IQSEC1: variants seen among roughly 807,000 people sequenced by gnomAD.
The protein encoded by IQSEC1 is IQ motif and Sec7 domain ArfGEF 1, also known as IQ motif and SEC7 domain-containing protein 1.
IQSEC1 carries 31 observed loss-of-function variants against 91.0 expected under a neutral mutation model. The observed-to-expected ratio is 0.34, with a 90% CI of 0.26 to 0.46. The LOEUF is 0.46. Among genes scored for constraint, IQSEC1 ranks in the 20% least tolerant of loss-of-function variants. IQSEC1 has a pLI of 1.00. For missense variants in IQSEC1, 1,388 were observed against 1,575.6 expected (o/e 0.88, Z 2.02); for synonymous variants, 699 against 662.6 (o/e 1.05, Z -0.84).
At chr3:12,996,069 G>C (rs1440004853) in intron 1 of IQSEC1, among the ~76,000 whole-genome samples, 1 of 152,126 alleles carries the variant, frequency 6.6e-6, no homozygotes, top group African/African-American at 2.4e-5. Context: ...GCTGAGGCAA[G>C]AGGATTGCTT....
intron 1 of IQSEC1, among the ~76,000 whole-genome samples, chr3:13,223,339 C>A (rs1694695154): frequency 6.6e-6 from 1 of 152,202 alleles, no homozygotes; most frequent in Non-Finnish European, 1.5e-5. Context: ...GGAGATCTTC[C>A]AGATTGCAGG....
chr3:13,252,020 G>C (rs915216166), intron 1 of IQSEC1, among the ~76,000 whole-genome samples: 1 of 152,120 alleles, frequency 6.6e-6, no homozygotes, highest in South Asian at 2.1e-4. Context: ...GTTTTTCCCC[G>C]ATTTTTTATT....
chr3:13,184,901 A>G (rs1196173356), intron 1 of IQSEC1, among the ~76,000 whole-genome samples: 2 of 152,154 alleles, frequency 1.3e-5, no homozygotes, highest in African/African-American at 4.8e-5. Context: ...CAGGATGGGG[A>G]AAAGGAGTGA....
chr3:13,207,674 C>T lies in IQSEC1; in HGVS notation c.273-43541G>A, dbSNP rs1694368203. On this transcript the variant is annotated intron_variant, in intron 1 of 15. Transcript: ENST00000648114. This position sits in a 1 kb window ranked among gnomAD's most constrained non-coding sequence, Gnocchi z 4.8. ...CACCCCAGAGCCTCTGCACCCAGGG[C>T]TCCTTCGCCCCTCAGATTCCTGCAG... 6.6e-6 allele frequency among the ~76,000 whole-genome samples: 1 copy of T among 152,210 alleles called. No individual in the cohort carries two copies. The highest frequency in any genetic ancestry group is 1.5e-5 in the Non-Finnish European group (1 of 68,020).
chr3:13,125,712 GA>G (rs1706501989), intron 2 of IQSEC1, among the ~76,000 whole-genome samples: 1 of 152,244 alleles, frequency 6.6e-6, no homozygotes, highest in East Asian at 1.9e-4. Flanking sequence ...GCTTGTGGGG[GA>G]TAAGGGCCCT....
chr3:13,054,556 C>T (rs1040537206), intron 1 of IQSEC1, among the ~76,000 whole-genome samples: 2 of 152,234 alleles, frequency 1.3e-5, no homozygotes, highest in Non-Finnish European at 2.9e-5. Context: ...CCCTCCACCC[C>T]GTCACGTTGC....
Position 13,147,903 on chromosome 3 carries a change from G to T in IQSEC1, c.302+16201C>A, listed in dbSNP as rs143575667. ...CCGCCTAGGCCTGCCAAAGTGCTGG[G>T]ATTACAGGCGTGAGCCACCACGCCC... is the stretch of plus-strand genomic sequence containing the variant. On this transcript the variant is annotated intron_variant, in intron 2 of 15. Transcript: ENST00000648114. 9.6e-3 allele frequency among the ~76,000 whole-genome samples: 1,456 copies of T among 152,336 alleles called. 22 individuals are homozygous for T. The highest frequency in any genetic ancestry group is 0.034 in the African/African-American group (1,400 of 41,576).
At chr3:12,925,479 G>A (rs762097360) in intron 3 of IQSEC1, among the ~76,000 whole-genome samples, 1 of 152,212 alleles carries the variant, frequency 6.6e-6, no homozygotes, top group African/African-American at 2.4e-5. Flanking sequence ...CACTGAGGAA[G>A]TAGTCAGATG....
chr3:13,200,078 A>G (rs562142089), intron 1 of IQSEC1, among the ~76,000 whole-genome samples: 1 of 145,760 alleles, frequency 6.9e-6, no homozygotes, highest in South Asian at 2.2e-4. Flanking sequence ...TACACACAAC[A>G]TGCATATACA....
At position 12,967,102 on chromosome 3, in the gene IQSEC1, T is replaced by TCACACA. The variant is rs149065597; in HGVS notation, c.24-25243_24-25238dup. On this transcript the variant is annotated intron_variant, in intron 1 of 13. Transcript: ENST00000613206. This position sits in a 1 kb window ranked among gnomAD's most constrained non-coding sequence, Gnocchi z 5.9. ...AACTTGCACTCCAACAGGCCCTCGA[T>TCACACA]CACACACACACACTCCCATCCTGAG... 6.7e-6 allele frequency among the ~76,000 whole-genome samples: 1 copy of TCACACA among 148,464 alleles called. No individual in the cohort carries two copies. Among genetic ancestry groups the TCACACA allele is most frequent in the East Asian group, 2.0e-4 (1 of 4,976 alleles).
chr3:12,924,062 C>G lies in IQSEC1; in HGVS notation c.1730+519G>C, dbSNP rs908996248. 6.6e-6 allele frequency among the ~76,000 whole-genome samples: 1 copy of G among 152,120 alleles called. No homozygotes were observed. The highest frequency in any genetic ancestry group is 2.4e-5 in the African/African-American group (1 of 41,428). On this transcript the variant is annotated intron_variant, in intron 4 of 13. Coordinates refer to ENST00000613206, the MANE Select transcript of IQSEC1 (RefSeq NM_001134382.3). This position sits in a 1 kb window ranked among gnomAD's most constrained non-coding sequence, Gnocchi z 6.3. ...AATGAGGCAGGGGCAGAGCGTGGCA[C>G]GGGCCGCCCACGGGGAGGCAGGTCA... is the stretch of plus-strand genomic sequence containing the variant.
intron 1 of IQSEC1, among the ~76,000 whole-genome samples, chr3:12,995,674 A>G (rs1163556458): frequency 6.6e-6 from 1 of 152,198 alleles, no homozygotes; most frequent in East Asian, 1.9e-4. Context: ...TTGTCCCTAG[A>G]ATACCCAAGG....
intron 2 of IQSEC1, among the ~76,000 whole-genome samples, chr3:13,094,334 A>C (rs77380316): frequency 0.067 from 10,259 of 152,200 alleles, 428 homozygotes; most frequent in Middle Eastern, 0.19. Context: ...ATGGAAGGCG[A>C]AGGCAAGGCT....
chr3:12,954,932 GTCT>G (rs760840548), intron 1 of IQSEC1, among the ~76,000 whole-genome samples: 7 of 152,222 alleles, frequency 4.6e-5, no homozygotes, highest in Non-Finnish European at 8.8e-5. Flanking sequence ...CTGGCTGGCT[GTCT>G]TCTTCTCCCG....
At chr3:12,923,080 C>G (rs564156123) in intron 4 of IQSEC1, among the ~76,000 whole-genome samples, 1 of 152,156 alleles carries the variant, frequency 6.6e-6, no homozygotes, top group Non-Finnish European at 1.5e-5. Context: ...CCTGGGGCAA[C>G]AGCCTTGGAG....
At chr3:12,978,896 C>G (rs777225559) in intron 1 of IQSEC1, among the ~76,000 whole-genome samples, 3 of 152,060 alleles carry the variant, frequency 2.0e-5, no homozygotes, top group African/African-American at 7.2e-5. Context: ...GGGAATTCAC[C>G]GGGTGGCCCA....
intron 1 of IQSEC1, among the ~76,000 whole-genome samples, chr3:13,176,717 C>G (rs947206562): frequency 1.3e-5 from 2 of 152,196 alleles, no homozygotes; most frequent in African/African-American, 4.8e-5. Flanking sequence ...GACCGGAAAC[C>G]CAGGGCACCT....
At chr3:13,220,143 G>A (rs373458937) in intron 1 of IQSEC1, among the ~76,000 whole-genome samples, 3 of 152,238 alleles carry the variant, frequency 2.0e-5, no homozygotes, top group African/African-American at 7.2e-5. Flanking sequence ...AAATTGGCAC[G>A]GGTTAGCATT....
intron 1 of IQSEC1, among the ~76,000 whole-genome samples, chr3:13,263,092 A>G (rs1559288878): frequency 6.6e-6 from 1 of 152,140 alleles, no homozygotes; most frequent in Non-Finnish European, 1.5e-5. Context: ...TACTAAAAAT[A>G]TACAGAAATT....
Sources: gnomAD v4.1 joint callset for allele counts (sites outside exome capture counted in the v4.1 genomes callset) on GRCh38, gnomAD v4.1.1 for gene constraint, Gnocchi (gnomAD v3.1) non-coding constraint, MANE v1.5 for transcripts, NCBI Gene and HGNC (gene_info 2026-07-23, HGNC 2026-07-21) for gene names.